Variants in GMDS observed in about 807,000 individuals in gnomAD.
GMDS encodes GDP-mannose 4,6 dehydratase.
A neutral mutation model predicts 49.9 loss-of-function variants in GMDS; 20 were observed. The observed-to-expected ratio is 0.40, with a 90% CI of 0.28 to 0.58. The LOEUF (loss-of-function observed/expected upper bound fraction) is 0.58. Among genes scored for constraint, GMDS ranks in the 20% least tolerant of loss-of-function variants. GMDS has a pLI of 0.42. For missense variants in GMDS, 362 were observed against 481.4 expected (o/e 0.75, Z 2.32); for synonymous variants, 177 against 178.6 (o/e 0.99, Z 0.07).
At chr6:1,982,604 C>G (rs1419885466) in intron 4 of GMDS, among the ~76,000 whole-genome samples, 1 of 152,088 alleles carries the variant, frequency 6.6e-6, no homozygotes, top group African/African-American at 2.4e-5. Context: ...AGAGCAAAAT[C>G]ATGAATGAAC....
chr6:1,804,478 G>T (rs910160783), intron 7 of GMDS, among the ~76,000 whole-genome samples: 3 of 152,236 alleles, frequency 2.0e-5, no homozygotes, highest in African/African-American at 7.2e-5. Context: ...CTTCCCCACT[G>T]TTGGGATTCT....
intron 4 of GMDS, among the ~76,000 whole-genome samples, chr6:2,098,521 C>T (rs1773741605): frequency 6.6e-6 from 1 of 152,090 alleles, no homozygotes; most frequent in African/African-American, 2.4e-5. Flanking sequence ...ATCTTAAATC[C>T]TTATGGTAAT....
At chr6:1,943,324 G>A (rs966600665) in intron 6 of GMDS, among the ~76,000 whole-genome samples, 1 of 152,162 alleles carries the variant, frequency 6.6e-6, no homozygotes, top group Admixed American at 6.5e-5. Flanking sequence ...CCTCTTCTGT[G>A]CTCCTCCATC....
intron 7 of GMDS, among the ~76,000 whole-genome samples, chr6:1,888,717 T>C (rs1223490664): frequency 6.6e-6 from 1 of 152,192 alleles, no homozygotes; most frequent in Non-Finnish European, 1.5e-5. Context: ...AAGTCTCATA[T>C]GAGACAAGGC....
At chr6:2,168,380 G>A (rs1777775643) in intron 1 of GMDS, among the ~76,000 whole-genome samples, 1 of 152,168 alleles carries the variant, frequency 6.6e-6, no homozygotes, top group South Asian at 2.1e-4. Context: ...ATGAGTAGAA[G>A]AAACAAGGAG....
chr6:2,195,171 A>G lies in GMDS; in HGVS notation c.102+50150T>C, dbSNP rs562839145. On this transcript the variant is annotated intron_variant, in intron 1 of 10. Transcript: ENST00000380815. ...AGCTTTAACCAGACTTAGTATAAAG[A>G]AAAAACGGATTTGAATTTCACTGTC... Among the ~76,000 whole-genome samples the G allele has an allele frequency of 1.7e-3, 262 of 152,340 alleles. 1 individual carries two copies. The highest frequency in any genetic ancestry group is 4.0e-3 in the African/African-American group (167 of 41,582).
chr6:1,912,399 G>A (rs1176257724), intron 7 of GMDS, among the ~76,000 whole-genome samples: 2 of 152,146 alleles, frequency 1.3e-5, no homozygotes, highest in East Asian at 3.8e-4. Flanking sequence ...CTAATCAAAG[G>A]ACTGTGGGGA....
At chr6:1,900,131 G>A (rs1185274465) in intron 7 of GMDS, among the ~76,000 whole-genome samples, 2 of 152,222 alleles carry the variant, frequency 1.3e-5, no homozygotes, top group African/African-American at 4.8e-5. Context: ...GCTTGGAGGA[G>A]CAGGGAGCCT....
At chr6:1,838,671 C>G (rs552956636) in intron 7 of GMDS, among the ~76,000 whole-genome samples, 113 of 152,216 alleles carry the variant, frequency 7.4e-4, no homozygotes, top group Admixed American at 1.3e-3. Flanking sequence ...CCTCTTTTGT[C>G]TCTTTCCCTT....
At chr6:1,767,159 G>C (rs954015732) in intron 7 of GMDS, among the ~76,000 whole-genome samples, 4 of 152,048 alleles carry the variant, frequency 2.6e-5, no homozygotes, top group African/African-American at 9.7e-5. Flanking sequence ...AAACCACAAA[G>C]GGAATATGAT....
At chr6:1,820,172 T>C (rs761583383) in intron 7 of GMDS, among the ~76,000 whole-genome samples, 1 of 152,156 alleles carries the variant, frequency 6.6e-6, no homozygotes, top group Non-Finnish European at 1.5e-5. Flanking sequence ...ATATAAATTA[T>C]AAATAGGGGA....
At chr6:1,951,832 A>G (rs370304001) in intron 6 of GMDS, 1 of 835,450 alleles carries the variant, frequency 1.2e-6, no homozygotes, top group East Asian at 1.2e-4. Context: ...TCTGTCAAAC[A>G]TCTTAAAGGA....
At chr6:2,241,989 G>A (rs565193415) in intron 1 of GMDS, among the ~76,000 whole-genome samples, 1 of 152,144 alleles carries the variant, frequency 6.6e-6, no homozygotes, top group African/African-American at 2.4e-5. Context: ...CTAGATGAAG[G>A]CATGTGGGAG....
chr6:1,879,238 T>C (rs939461165), intron 7 of GMDS, among the ~76,000 whole-genome samples: 1 of 152,174 alleles, frequency 6.6e-6, no homozygotes, highest in African/African-American at 2.4e-5. Context: ...GGGTATAAAA[T>C]ACAGCAAAAT....
intron 4 of GMDS, among the ~76,000 whole-genome samples, chr6:2,028,366 T>C (rs1768733112): frequency 6.6e-6 from 1 of 152,234 alleles, no homozygotes; most frequent in Non-Finnish European, 1.5e-5. Context: ...TCTGCAATTA[T>C]CTCATCTACC....
chr6:1,921,637 T>C (rs754192794), intron 7 of GMDS, among the ~76,000 whole-genome samples: 13 of 152,228 alleles, frequency 8.5e-5, no homozygotes, highest in Non-Finnish European at 1.6e-4. Context: ...AAACATTTTA[T>C]GTTTCAAAGA....
chr6:1,804,271 C>T (rs1386550155), intron 7 of GMDS, among the ~76,000 whole-genome samples: 2 of 152,244 alleles, frequency 1.3e-5, no homozygotes, highest in Admixed American at 1.3e-4. Flanking sequence ...GTCCTCACTG[C>T]TACGTGGCGA....
At chr6:2,185,410 T>C (rs893461999) in intron 1 of GMDS, among the ~76,000 whole-genome samples, 1 of 152,234 alleles carries the variant, frequency 6.6e-6, no homozygotes, top group Non-Finnish European at 1.5e-5. Context: ...ATTCTTTGTA[T>C]TGTACACCAA....
chr6:2,187,496 A>G (rs1161439082), intron 1 of GMDS, among the ~76,000 whole-genome samples: 1 of 152,206 alleles, frequency 6.6e-6, no homozygotes. Context: ...GCCTCCTCAC[A>G]GTGTTCTATT....
Sources: allele counts gnomAD v4.1 joint callset (sites outside exome capture counted in the v4.1 genomes callset), GRCh38; gene constraint gnomAD v4.1.1; transcripts MANE v1.5; gene names NCBI Gene and HGNC (gene_info 2026-07-23, HGNC 2026-07-21).